Variants in ANKRD13B observed in about 807,000 individuals in gnomAD.
ANKRD13B encodes ankyrin repeat domain 13B, also known as ankyrin repeat domain-containing protein 13B.
Under a neutral mutation model 74.4 loss-of-function variants are expected in ANKRD13B, and 33 were observed. That is an observed-to-expected ratio of 0.44 (90% CI 0.34 to 0.59). The LOEUF is 0.59. Ranked by LOEUF, ANKRD13B falls within the 20% of genes least tolerant of loss-of-function variation. ANKRD13B has a pLI of 0.02. For synonymous variants in ANKRD13B, 341 were observed against 362.9 expected (o/e 0.94, Z 0.68); for missense variants, 676 against 877.9 (o/e 0.77, Z 2.91).
intron 1 of ANKRD13B, among the ~76,000 whole-genome samples, chr17:29,594,291 T>C (rs374719276): frequency 6.6e-6 from 1 of 152,188 alleles, no homozygotes; most frequent in South Asian, 2.1e-4. Flanking sequence ...AAAGACCCTC[T>C]TGGGAGGCCC....
At position 29,596,029 on chromosome 17, in the gene ANKRD13B, TCCCTGGCCTCTAGTC is replaced by T. The variant is rs938727669; in HGVS notation, c.114+2298_114+2312del. On this transcript the variant is annotated intron_variant, in intron 1 of 14. Coordinates refer to ENST00000394859, the MANE Select transcript of ANKRD13B (RefSeq NM_152345.5). ...GGAACCCTGGCATCCCAGCCAGGGG[TCCCTGGCCTCTAGTC>T]CCCCTGGTACCAGCCGCCACAGAAA... Among the ~76,000 whole-genome samples the T allele has an allele frequency of 5.5e-4, 83 of 152,130 alleles. 1 individual carries two copies. The highest frequency in any genetic ancestry group is 1.9e-3 in the African/African-American group (80 of 41,502).
chr17:29,611,617 G>A lies in ANKRD13B; in HGVS notation c.943G>A (p.Glu315Lys). ...TPLQSFLGIAEQHGGPQNGTL... is the reference protein window; with the variant it reads ...TPLQSFLGIAKQHGGPQNGTL... ...TTTGCAGTCCTTCCTGGGAATCGCTGAGCAGCACGGGGGCCCCCAAAATGG... is the reference window on the plus strand; with the variant it reads ...TTTGCAGTCCTTCCTGGGAATCGCTAAGCAGCACGGGGGCCCCCAAAATGG... The change falls in exon 9 of 15, where the codon GAG (glutamate) becomes AAG (lysine). Residue 315 changes from glutamate (E) to lysine (K), a missense_variant. Physicochemically the swap from Glu to Lys is moderately conservative, Grantham distance 56. Around this residue, in one of 4 missense-constraint regions of ANKRD13B, gnomAD observed 328 missense variants for 518.4 expected, o/e 0.63. Coordinates refer to ENST00000394859, the MANE Select transcript of ANKRD13B (RefSeq NM_152345.5). This position sits in a 1 kb window ranked among gnomAD's most constrained non-coding sequence, Gnocchi z 4.3. 6.2e-7 allele frequency: 1 copy of A among 1,614,192 alleles called. No homozygotes were observed. Among genetic ancestry groups the A allele is most frequent in the Non-Finnish European group, 8.5e-7 (1 of 1,180,026 alleles).
intron 7 of ANKRD13B, 48 bp from the exon 8 acceptor site, chr17:29,610,637 A>G (rs765050919): frequency 1.3e-6 from 2 of 1,578,616 alleles, no homozygotes; most frequent in Non-Finnish European, 1.7e-6. Context: ...GGTAAGACAC[A>G]GGGTAAGACC....
intron 1 of ANKRD13B, among the ~76,000 whole-genome samples, chr17:29,596,392 G>A (rs941564620): frequency 1.3e-5 from 2 of 152,170 alleles, no homozygotes; most frequent in Non-Finnish European, 2.9e-5. Context: ...CTGCCAGGTC[G>A]GGGGGGACAG....
chr17:29,593,772 G>A, intron 1 of ANKRD13B, 37 bp downstream of exon 1: 1 of 1,272,354 alleles, frequency 7.9e-7, no homozygotes, highest in Non-Finnish European at 1.0e-6. Flanking sequence ...GGACCCCGCG[G>A]CCGGGCACGC....
At chr17:29,599,037 G>A (rs890565520) in intron 1 of ANKRD13B, among the ~76,000 whole-genome samples, 2 of 152,180 alleles carry the variant, frequency 1.3e-5, no homozygotes, top group African/African-American at 4.8e-5. Flanking sequence ...TGCAGGAGGT[G>A]CTCAACAGGC....
At position 29,612,475 on chromosome 17, in the gene ANKRD13B, A is replaced by G. The variant is rs2034617656; in HGVS notation, c.1332A>G (p.Pro444=). The G allele has an allele frequency of 1.3e-6, 2 of 1,598,782 alleles. No individual in the cohort carries two copies. The highest frequency in any genetic ancestry group is 4.5e-5 in the East Asian group (2 of 44,188). Residue 444 remains proline (P), a synonymous_variant, in exon 12 of 15, where the codon CCA becomes CCG. Transcript: ENST00000394859. This position sits in a 1 kb window ranked among gnomAD's most constrained non-coding sequence, Gnocchi z 6.1. The part of the protein sequence containing the change: ...GNLNGCDEPV[P]SVRGSPSSET... Reference sequence around the variant, plus strand: ...TCAACGGCTGCGACGAACCGGTGCCATCGGTGCGAGGCAGCCCCAGCAGCG... The same window carrying G: ...TCAACGGCTGCGACGAACCGGTGCCGTCGGTGCGAGGCAGCCCCAGCAGCG...
At chr17:29,605,200 T>C (rs542335406) in intron 1 of ANKRD13B, among the ~76,000 whole-genome samples, 2 of 152,188 alleles carry the variant, frequency 1.3e-5, no homozygotes, top group East Asian at 3.9e-4. Context: ...CCTGTCTCCA[T>C]CTTCTCAACT....
At chr17:29,613,011 T>C (rs2034652442) in intron 14 of ANKRD13B, 48 bp downstream of exon 14, 2 of 1,569,968 alleles carry the variant, frequency 1.3e-6, no homozygotes, top group African/African-American at 1.3e-5. Context: ...GGATCCTGTC[T>C]CCCCTAAGCC....
intron 7 of ANKRD13B, among the ~76,000 whole-genome samples, chr17:29,610,065 G>A (rs1249229759): frequency 3.9e-5 from 6 of 151,972 alleles, no homozygotes; most frequent in African/African-American, 7.3e-5. Context: ...GGTAGCAGGC[G>A]CCTGTAATCC....
rs1306275438 is a variant in ANKRD13B, at chr17:29,611,460, G to A, written c.905-119G>A. 1.3e-5 allele frequency: 13 copies of A among 1,027,038 alleles called. No homozygotes were observed. In the East Asian group the frequency reaches 2.7e-4, roughly 21 times the overall value. 63.6% of individuals were successfully genotyped at this position (1,027,038 alleles called of 1,614,324 possible). A position where few individuals can be genotyped will look rare whatever the true frequency, so the allele number is the denominator to read the frequency against. On this transcript the variant is annotated intron_variant, in intron 8 of 14. Transcript: ENST00000394859. This position sits in a 1 kb window ranked among gnomAD's most constrained non-coding sequence, Gnocchi z 4.3. ...AAGGTGCCTGAGTATGTGGTTGGGT[G>A]AGCAGGCCCCACCCCAGGAACCGGC...
Position 29,603,877 on chromosome 17 carries a change from C to CT in ANKRD13B, c.115-3849dup, listed in dbSNP as rs71138837. ...CCTGATTATAGGTTATATTTTCTTT[C>CT]TTTTTTTTTTTTTTTTGAGATGGAG... On this transcript the variant is annotated intron_variant, in intron 1 of 14. Coordinates refer to ENST00000394859, the MANE Select transcript of ANKRD13B (RefSeq NM_152345.5). Among the ~76,000 whole-genome samples the CT allele has an allele frequency of 4.4e-3, 522 of 117,934 alleles. 3 individuals are homozygous for CT. Among genetic ancestry groups the CT allele is most frequent in the Middle Eastern group, 0.017 (4 of 238 alleles). 77.4% of individuals were successfully genotyped at this position (117,934 alleles called of 152,430 possible).
At position 29,613,474 on chromosome 17, in the gene ANKRD13B, G is replaced by T; in HGVS notation, c.1773G>T (p.Arg591=). Residue 591 remains arginine, a synonymous_variant, in exon 15 of 15, where the codon CGG becomes CGT. Coordinates refer to ENST00000394859, the MANE Select transcript of ANKRD13B (RefSeq NM_152345.5). ...TCCGGAGCTACGACGAGCAGCTGCG[G>T]CTGGCGATGGAACTGTCGGCGCAGG... ...HVFRSYDEQL[R]LAMELSAQEQ... The T allele has an allele frequency of 2.0e-6, 3 of 1,533,068 alleles. No individual in the cohort carries two copies. In the African/African-American group the frequency reaches 4.2e-5, roughly 22 times the overall value. The allele number at this position is 1,533,068 out of a possible 1,614,324, so 95.0% of individuals were successfully genotyped here.
chr17:29,613,724 G>C lies in ANKRD13B; in HGVS notation c.*142G>C. 1 of 1,299,464 alleles carries C rather than the reference G, an allele frequency of 7.7e-7. No homozygotes were observed. Among genetic ancestry groups the C allele is most frequent in the South Asian group, 1.8e-5 (1 of 56,774 alleles). The allele number at this position is 1,299,464 out of a possible 1,614,324, so 80.5% of individuals were successfully genotyped here. On this transcript the variant is annotated 3_prime_UTR_variant, in exon 15 of 15. Coordinates refer to ENST00000394859, the MANE Select transcript of ANKRD13B (RefSeq NM_152345.5). ...GCGGGTGCAGCAGCACAGCAGGCAC[G>C]GTTCGGGGAGGGATTCGGCATGGCC...
chr17:29,607,285 ATAATG>A (rs781644030), intron 1 of ANKRD13B, among the ~76,000 whole-genome samples: 1 of 152,236 alleles, frequency 6.6e-6, no homozygotes, highest in Non-Finnish European at 1.5e-5. Flanking sequence ...TCACTCAGTG[ATAATG>A]TCAGTGATCT....
chr17:29,603,329 A>G (rs2034248960), intron 1 of ANKRD13B, among the ~76,000 whole-genome samples: 1 of 149,960 alleles, frequency 6.7e-6, no homozygotes, highest in African/African-American at 2.5e-5. Flanking sequence ...GCAGCCTCGA[A>G]CTCCTGGGCT....
chr17:29,593,896 T>TGGGAGCGGGCCCTGCCCGCA, intron 1 of ANKRD13B, 161 bp downstream of exon 1: 2 of 203,806 alleles, frequency 9.8e-6, no homozygotes. Flanking sequence ...GAAAGGGTGA[T>TGGGAGCGGGCCCTGCCCGCA]CCCCTCCGGC....
chr17:29,596,353 G>A (rs958727749), intron 1 of ANKRD13B, among the ~76,000 whole-genome samples: 8 of 152,248 alleles, frequency 5.3e-5, no homozygotes, highest in East Asian at 1.9e-4. Context: ...ATGCCAGCCC[G>A]GTGCCCTGCT....
intron 1 of ANKRD13B, among the ~76,000 whole-genome samples, chr17:29,596,964 C>T (rs947211811): frequency 6.6e-6 from 1 of 152,172 alleles, no homozygotes; most frequent in Non-Finnish European, 1.5e-5. Context: ...TGGCCTCCTA[C>T]GCAGCTTGAG....
Sources: gnomAD v4.1 joint callset for allele counts (sites outside exome capture counted in the v4.1 genomes callset) on GRCh38, gnomAD v4.1.1 for gene constraint, gnomAD v4.1.1 regional missense constraint, Gnocchi (gnomAD v3.1) non-coding constraint, MANE v1.5 for transcripts, NCBI Gene and HGNC (gene_info 2026-07-23, HGNC 2026-07-21) for gene names.